The following IKZF1 variants were observed in gnomAD, a reference collection of about 807,000 sequenced individuals.
The protein encoded by IKZF1 is DNA-binding protein Ikaros.
In IKZF1, 10 loss-of-function variants were observed where a neutral mutation model predicts 51.7. The ratio of observed to expected loss-of-function variants is 0.19; its 90% CI spans 0.12 to 0.33. The LOEUF (loss-of-function observed/expected upper bound fraction) is 0.33. Ranked by LOEUF, IKZF1 falls within the 10% of genes least tolerant of loss-of-function variation. The pLI, the probability that IKZF1 is intolerant of heterozygous loss-of-function variation, is 1.00. For synonymous variants in IKZF1, 280 were observed against 282.3 expected, an observed-to-expected ratio of 0.99 and a Z score of 0.08; for missense variants, 484 against 707.5, an observed-to-expected ratio of 0.68 and a Z score of 3.58.
chr7:50,306,822 T>A (rs1788923510), intron 1 of IKZF1, among the ~76,000 whole-genome samples: 1 of 152,246 alleles, frequency 6.6e-6, no homozygotes, highest in African/African-American at 2.4e-5. Context: ...GATTTGGATG[T>A]GTGTGTTTCA....
rs562885279 is a variant in IKZF1 at position 50,387,618 on chromosome 7, A to G, written c.715+148A>G. 2.4e-5 allele frequency: 31 copies of G among 1,272,180 alleles called. No homozygotes were observed. The Admixed American group carries it at 3.5e-4, about 14-fold the overall frequency. 78.8% of individuals were successfully genotyped at this position (1,272,180 alleles called of 1,614,324 possible). ...GGGAGGGAAGTTTTTGGCCAATAGC[A>G]TCAGTTTCACCAGAAGCACGTTGTG... is the stretch of plus-strand genomic sequence containing the variant. On this transcript the variant is annotated intron_variant, in intron 6 of 7. Transcript: ENST00000331340.
chr7:50,320,888 T>C (rs573134345), intron 2 of IKZF1, among the ~76,000 whole-genome samples: 1 of 152,348 alleles, frequency 6.6e-6, no homozygotes, highest in East Asian at 1.9e-4. Flanking sequence ...AGCATTGTTA[T>C]CAGTATTTTA....
intron 3 of IKZF1, among the ~76,000 whole-genome samples, chr7:50,357,055 G>A (rs1803642011): frequency 6.6e-6 from 1 of 152,016 alleles, no homozygotes; most frequent in Non-Finnish European, 1.5e-5. Context: ...AGGGCCATGG[G>A]TGTGTGATTC....
chr7:50,359,958 T>A (rs1381359493), intron 3 of IKZF1, among the ~76,000 whole-genome samples: 2 of 152,224 alleles, frequency 1.3e-5, no homozygotes, highest in Non-Finnish European at 2.9e-5. Context: ...CCCCAGGATT[T>A]CTCAGCAGAG....
chr7:50,325,150 G>A (rs1584486115), intron 2 of IKZF1, among the ~76,000 whole-genome samples: 1 of 152,140 alleles, frequency 6.6e-6, no homozygotes, highest in East Asian at 1.9e-4. Context: ...CAAGTGGCCT[G>A]GGTCCCTGCC....
chr7:50,392,211 C>G (rs1460200434), intron 7 of IKZF1, among the ~76,000 whole-genome samples: 2 of 152,158 alleles, frequency 1.3e-5, no homozygotes, highest in African/African-American at 4.8e-5. Context: ...CACTCCAGGC[C>G]TGGCCGGCTT....
In IKZF1 at chr7:50,391,823, C is replaced by T. The variant is rs370585837; in HGVS notation, c.810C>T (p.Asn270=). The T allele has an allele frequency of 4.1e-5, 66 of 1,613,782 alleles. No homozygotes were observed. Among genetic ancestry groups the T allele is most frequent in the East Asian group, 6.7e-5 (3 of 44,882 alleles). The change falls in exon 7 of 8, where the codon AAC becomes AAT. Residue 270 remains asparagine, a synonymous_variant. Transcript: ENST00000331340. ...RSLVLDRLAS[N]VAKRKSSMPQ... is the part of the protein sequence containing the mutation. ...TCGTGCTGGACAGACTAGCAAGTAACGTCGCCAAACGTAAGAGCTCTATGC... is the reference window on the plus strand; with the variant it reads ...TCGTGCTGGACAGACTAGCAAGTAATGTCGCCAAACGTAAGAGCTCTATGC...
At chr7:50,385,681 T>A (rs181886830) in intron 5 of IKZF1, among the ~76,000 whole-genome samples, 1 of 152,354 alleles carries the variant, frequency 6.6e-6, no homozygotes, top group Middle Eastern at 3.4e-3. Context: ...TCAGACATCA[T>A]GTCATATTTA....
intron 3 of IKZF1, among the ~76,000 whole-genome samples, chr7:50,364,078 A>C (rs958134091): frequency 6.6e-6 from 1 of 152,224 alleles, no homozygotes; most frequent in Non-Finnish European, 1.5e-5. Flanking sequence ...ACAAATCTGA[A>C]TGTGTTTACC....
At chr7:50,325,278 CAAAA>C (rs71018469) in intron 2 of IKZF1, among the ~76,000 whole-genome samples, 11 of 93,646 alleles carry the variant, frequency 1.2e-4, no homozygotes, top group Non-Finnish European at 1.4e-4. Flanking sequence ...CCGCTGCCAC[CAAAA>C]AAAAAAAAAA....
chr7:50,365,650 T>A (rs1400495942), intron 3 of IKZF1, among the ~76,000 whole-genome samples: 1 of 152,176 alleles, frequency 6.6e-6, no homozygotes, highest in Non-Finnish European at 1.5e-5. Context: ...CTGGTGAGGT[T>A]GTAGAGAAAA....
chr7:50,337,000 C>T (rs990349837), intron 3 of IKZF1, among the ~76,000 whole-genome samples: 5 of 152,106 alleles, frequency 3.3e-5, no homozygotes, highest in East Asian at 1.9e-4. Context: ...AGAAACATGG[C>T]GAGAGGAGTT....
chr7:50,349,784 G>T (rs1407060695), intron 3 of IKZF1, among the ~76,000 whole-genome samples: 3 of 152,174 alleles, frequency 2.0e-5, no homozygotes, highest in African/African-American at 7.2e-5. Flanking sequence ...CTTATAGGAA[G>T]TACCATCCTA....
chr7:50,342,163 A>G (rs1799202509), intron 3 of IKZF1, among the ~76,000 whole-genome samples: 1 of 152,204 alleles, frequency 6.6e-6, no homozygotes, highest in Non-Finnish European at 1.5e-5. Context: ...ATGTAAAGAA[A>G]ATCTAGGTCC....
chr7:50,374,686 A>G (rs908978199), intron 3 of IKZF1, among the ~76,000 whole-genome samples: 2 of 152,200 alleles, frequency 1.3e-5, no homozygotes, highest in African/African-American at 4.8e-5. Context: ...CACTATCCTC[A>G]GCTAACTTCT....
chr7:50,354,197 C>G (rs1007658953), intron 3 of IKZF1, among the ~76,000 whole-genome samples: 3 of 152,230 alleles, frequency 2.0e-5, no homozygotes, highest in Non-Finnish European at 4.4e-5. Flanking sequence ...AAGCCCAACA[C>G]AGGTGCTGTG....
At position 50,376,810 on chromosome 7, in the gene IKZF1, T is replaced by A. The variant is rs754025205; in HGVS notation, c.421+17T>A. The A allele has an allele frequency of 1.2e-6, 2 of 1,611,646 alleles. No individual in the cohort carries two copies. The highest frequency in any genetic ancestry group is 2.2e-5 in the South Asian group (2 of 91,028). Reference sequence around the variant, plus strand: ...GCCACACTGGTAAGGCCTGGCTCAGTTTTTCCTTTAGTGGCCTGGAGAAGG... The same window carrying A: ...GCCACACTGGTAAGGCCTGGCTCAGATTTTCCTTTAGTGGCCTGGAGAAGG... On this transcript the variant is annotated intron_variant, in intron 4 of 7. Transcript: ENST00000331340. The surrounding 1 kb of genome is among the most constrained non-coding windows in gnomAD (Gnocchi z 4.5).
At chr7:50,305,419 A>G (rs922391202) in intron 1 of IKZF1, among the ~76,000 whole-genome samples, 1 of 152,176 alleles carries the variant, frequency 6.6e-6, no homozygotes, top group Admixed American at 6.5e-5. Flanking sequence ...TTCTCAGGAA[A>G]ACCCTTAGTA....
chr7:50,382,416 G>T, intron 4 of IKZF1, 124 bp from the exon 5 acceptor site: 1 of 1,362,668 alleles, frequency 7.3e-7, no homozygotes, highest in Non-Finnish European at 9.7e-7. Context: ...AAAGCCTCAT[G>T]TTCTATCAAA....
Sources: gnomAD v4.1 joint callset for allele counts (sites outside exome capture counted in the v4.1 genomes callset) on GRCh38, gnomAD v4.1.1 for gene constraint, Gnocchi (gnomAD v3.1) non-coding constraint, MANE v1.5 for transcripts, NCBI Gene and HGNC (gene_info 2026-07-23, HGNC 2026-07-21) for gene names.